The following AKAP19 variants were observed in gnomAD, a reference collection of about 807,000 sequenced individuals.
AKAP19 encodes small A-kinase anchoring protein.
chr2:190,051,416 G>A, the AKAP19 span, among the ~76,000 whole-genome samples: 2 of 152,186 alleles, frequency 1.3e-5, no homozygotes, highest in Non-Finnish European at 2.9e-5. Context: ...AGATGACACT[G>A]CTGTCTTTGG....
chr2:189,964,629 C>T, the AKAP19 span, among the ~76,000 whole-genome samples: 1 of 152,206 alleles, frequency 6.6e-6, no homozygotes, highest in Non-Finnish European at 1.5e-5. Context: ...GTAGCTTCTA[C>T]ATCAGCACTA....
the AKAP19 span, among the ~76,000 whole-genome samples, chr2:190,063,374 G>T: frequency 6.6e-6 from 1 of 151,996 alleles, no homozygotes; most frequent in Non-Finnish European, 1.5e-5. Flanking sequence ...TTATTAATAT[G>T]AAAATTATAC....
chr2:189,900,617 T>A, the AKAP19 span, among the ~76,000 whole-genome samples: 2 of 152,242 alleles, frequency 1.3e-5, no homozygotes, highest in Admixed American at 6.5e-5. Context: ...TTTCTTTTTT[T>A]TCTGTTTAGA....
the AKAP19 span, among the ~76,000 whole-genome samples, chr2:190,144,745 G>A: frequency 6.6e-6 from 1 of 151,866 alleles, no homozygotes; most frequent in African/African-American, 2.4e-5. Flanking sequence ...GGGAGGGTGA[G>A]GTGGGCAGAT....
chr2:189,959,874 A>G, the AKAP19 span, among the ~76,000 whole-genome samples: 1 of 152,256 alleles, frequency 6.6e-6, no homozygotes, highest in Non-Finnish European at 1.5e-5. Context: ...AATGAAAAAC[A>G]TATACCCAGA....
the AKAP19 span, among the ~76,000 whole-genome samples, chr2:190,152,525 T>G: frequency 3.9e-5 from 6 of 152,260 alleles, no homozygotes; most frequent in Non-Finnish European, 7.3e-5. Flanking sequence ...ACATTCTTAA[T>G]TATTGATGCA....
chr2:189,963,339 C>T, the AKAP19 span, among the ~76,000 whole-genome samples: 4 of 145,666 alleles, frequency 2.7e-5, no homozygotes, highest in South Asian at 2.2e-4. Flanking sequence ...GGACTACAGG[C>T]GCCCACCACC....
At chr2:190,060,259 T>TA in the AKAP19 span, 1 of 1,613,164 alleles carries the variant, frequency 6.2e-7, no homozygotes, top group Non-Finnish European at 8.5e-7. Flanking sequence ...GTATACCTTG[T>TA]ACCGTCTTTC....
the AKAP19 span, among the ~76,000 whole-genome samples, chr2:190,085,581 C>T: frequency 8.5e-5 from 13 of 152,336 alleles, no homozygotes; most frequent in East Asian, 1.7e-3. Flanking sequence ...AAGATCACAA[C>T]GTACTTGAGG....
At chr2:190,198,226 C>T in the AKAP19 span, among the ~76,000 whole-genome samples, 1 of 152,142 alleles carries the variant, frequency 6.6e-6, no homozygotes, top group Non-Finnish European at 1.5e-5. Flanking sequence ...TTATGAGAAA[C>T]TGGGTAGAAT....
the AKAP19 span, among the ~76,000 whole-genome samples, chr2:190,024,937 T>C: frequency 6.6e-6 from 1 of 152,338 alleles, no homozygotes; most frequent in East Asian, 1.9e-4. Flanking sequence ...CAAAATAGAA[T>C]TGATTTTCTT....
the AKAP19 span, among the ~76,000 whole-genome samples, chr2:189,989,150 G>T: frequency 6.6e-6 from 1 of 152,122 alleles, no homozygotes; most frequent in South Asian, 2.1e-4. Context: ...AATTAATTTA[G>T]AGGGCTAAGA....
At chr2:190,062,790 G>T in the AKAP19 span, 1 of 563,078 alleles carries the variant, frequency 1.8e-6, no homozygotes, top group Non-Finnish European at 3.1e-6. Context: ...GTGTCGTCAG[G>T]ATCTATGATT....
chr2:189,978,393 G>A, the AKAP19 span, among the ~76,000 whole-genome samples: 1 of 152,100 alleles, frequency 6.6e-6, no homozygotes, highest in Non-Finnish European at 1.5e-5. Flanking sequence ...GGCTGAGGCG[G>A]GCAGATCACT....
chr2:190,070,171 A>G, the AKAP19 span, among the ~76,000 whole-genome samples: 4 of 152,288 alleles, frequency 2.6e-5, no homozygotes, highest in South Asian at 2.1e-4. Context: ...GAAAGATTCA[A>G]TGAGCTGTTT....
chr2:189,917,351 A>T, the AKAP19 span: 33 of 1,218,478 alleles, frequency 2.7e-5, no homozygotes, highest in Non-Finnish European at 3.7e-5. Context: ...ATAATGCAAT[A>T]GTATTTTAGA....
the AKAP19 span, among the ~76,000 whole-genome samples, chr2:189,894,572 T>C: frequency 6.6e-6 from 1 of 152,046 alleles, no homozygotes; most frequent in Non-Finnish European, 1.5e-5. Flanking sequence ...CTGGTCTCTG[T>C]CTTCTCATGA....
At chr2:189,947,413 A>G in the AKAP19 span, among the ~76,000 whole-genome samples, 1 of 152,168 alleles carries the variant, frequency 6.6e-6, no homozygotes, top group African/African-American at 2.4e-5. Context: ...ATACAATTTT[A>G]AACTATTTCA....
chr2:190,180,899 A>G, the AKAP19 span: 2 of 985,246 alleles, frequency 2.0e-6, no homozygotes, highest in Non-Finnish European at 2.4e-6. The surrounding 1 kb of genome is among the most constrained non-coding windows in gnomAD (Gnocchi z 6.8). Flanking sequence ...CGCCGGCGAG[A>G]AGGCGGCGCC....
Sources: gnomAD v4.1 joint callset for allele counts (sites outside exome capture counted in the v4.1 genomes callset) on GRCh38, gnomAD v4.1.1 for gene constraint, Gnocchi (gnomAD v3.1) non-coding constraint, MANE v1.5 for transcripts, NCBI Gene and HGNC (gene_info 2026-07-23, HGNC 2026-07-21) for gene names.